Variants in ZC3H12C observed in about 807,000 individuals in gnomAD.
ZC3H12C encodes the protein zinc finger CCCH-type containing 12C, also known as probable ribonuclease ZC3H12C.
In ZC3H12C, 20 loss-of-function variants were observed where a neutral mutation model predicts 76.3. The observed-to-expected ratio is 0.26, with a 90% CI of 0.18 to 0.38. The LOEUF (loss-of-function observed/expected upper bound fraction) is 0.38. Ranked by LOEUF, ZC3H12C falls within the 10% of genes least tolerant of loss-of-function variation. The pLI, the probability that ZC3H12C is intolerant of heterozygous loss-of-function variation, is 1.00. For missense variants in ZC3H12C, 874 were observed against 1,086.5 expected (o/e 0.80, Z 2.75); for synonymous variants, 352 against 399.6 (o/e 0.88, Z 1.42).
intron 3 of ZC3H12C, among the ~76,000 whole-genome samples, chr11:110,155,070 T>A (rs1490906992): frequency 1.3e-5 from 2 of 152,040 alleles, no homozygotes; most frequent in East Asian, 3.9e-4. Context: ...GATGGATCAC[T>A]TGAGGTCAGG....
chr11:110,102,003 G>T (rs1023064259), intron 1 of ZC3H12C, among the ~76,000 whole-genome samples: 1 of 151,690 alleles, frequency 6.6e-6, no homozygotes, highest in Non-Finnish European at 1.5e-5. Flanking sequence ...TTCAAAATAT[G>T]TAATATTACT....
chr11:110,165,058 A>G lies in ZC3H12C; in HGVS notation c.1973A>G (p.Glu658Gly). The change falls in exon 6 of 6, where the codon GAG (glutamate) becomes GGG (glycine). Residue 658 changes from glutamate to glycine, a missense_variant. By Grantham distance (98) the Glu-to-Gly change is moderately conservative. Coordinates refer to ENST00000278590, the MANE Select transcript of ZC3H12C (RefSeq NM_033390.2). ...AGCTCCCCCGACCCACAGCTAGAGG[A>G]GAATTTGAAGTGTCAACACATGCAC... Reference protein sequence around the residue: ...YVSSPDPQLEENLKCQHMHPH... With the variant: ...YVSSPDPQLEGNLKCQHMHPH... The G allele has an allele frequency of 6.2e-7, 1 of 1,613,844 alleles. No homozygotes were observed. The highest frequency in any genetic ancestry group is 8.5e-7 in the Non-Finnish European group (1 of 1,179,904).
chr11:110,146,861 C>T lies in ZC3H12C; in HGVS notation c.774-6058C>T, dbSNP rs529017585. The stretch of plus-strand genomic sequence containing the variant: ...GCCTGAATTCCCAGTAGCAAGGCTG[C>T]CATAAAAGTAGAGAAGAATAAGGGT... On this transcript the variant is annotated intron_variant, in intron 2 of 5. Transcript: ENST00000278590. 4.6e-5 allele frequency among the ~76,000 whole-genome samples: 7 copies of T among 152,300 alleles called. No homozygotes were observed. In the South Asian group the frequency reaches 1.4e-3, roughly 32 times the overall value.
chr11:110,104,905 T>C (rs1429122948), intron 1 of ZC3H12C, among the ~76,000 whole-genome samples: 1 of 152,248 alleles, frequency 6.6e-6, no homozygotes, highest in Non-Finnish European at 1.5e-5. Context: ...TCTGAGTAAT[T>C]GAAATAATCA....
intron 4 of ZC3H12C, among the ~76,000 whole-genome samples, chr11:110,163,037 C>T (rs1367781381): frequency 6.6e-6 from 1 of 152,198 alleles, no homozygotes; most frequent in African/African-American, 2.4e-5. Context: ...ATGCTCAACT[C>T]AAAACTTACT....
At chr11:110,125,056 C>A (rs1488241228) in intron 1 of ZC3H12C, among the ~76,000 whole-genome samples, 2 of 151,984 alleles carry the variant, frequency 1.3e-5, no homozygotes, top group African/African-American at 4.8e-5. Flanking sequence ...GAGAAATAGA[C>A]AAAGGTGTCT....
At chr11:110,141,936 CATT>C (rs1862074070) in intron 2 of ZC3H12C, among the ~76,000 whole-genome samples, 1 of 152,140 alleles carries the variant, frequency 6.6e-6, no homozygotes. Flanking sequence ...ATGTGACTCA[CATT>C]ATATTTCTAT....
Position 110,165,842 on chromosome 11 carries a change from A to T in ZC3H12C, c.*105A>T. On this transcript the variant is annotated 3_prime_UTR_variant, in exon 6 of 6. Coordinates refer to ENST00000278590, the MANE Select transcript of ZC3H12C (RefSeq NM_033390.2). ...TGATCTCCTTCTCAGCAAGGAGGTT[A>T]TATAGTATCCATTTATGTGAAATAC... 9.4e-7 allele frequency: 1 copy of T among 1,067,366 alleles called. No homozygotes were observed. The highest frequency in any genetic ancestry group is 1.3e-6 in the Non-Finnish European group (1 of 755,174). The allele number at this position is 1,067,366 out of a possible 1,614,324, so 66.1% of individuals were successfully genotyped here. A position where few individuals can be genotyped will look rare whatever the true frequency, so the allele number is the denominator to read the frequency against.
chr11:110,115,549 C>T (rs907063800), intron 1 of ZC3H12C, among the ~76,000 whole-genome samples: 6 of 151,918 alleles, frequency 3.9e-5, no homozygotes, highest in Admixed American at 1.3e-4. Flanking sequence ...GTGATGCACA[C>T]GTCTTGGCCT....
chr11:110,103,308 T>C (rs1861253559), intron 1 of ZC3H12C, among the ~76,000 whole-genome samples: 1 of 152,228 alleles, frequency 6.6e-6, no homozygotes, highest in African/African-American at 2.4e-5. Context: ...TCCAAAAAGG[T>C]AGTCTTTAAA....
chr11:110,144,889 T>G (rs1862135055), intron 2 of ZC3H12C, among the ~76,000 whole-genome samples: 1 of 152,178 alleles, frequency 6.6e-6, no homozygotes, highest in Non-Finnish European at 1.5e-5. Flanking sequence ...CATTGGAAGG[T>G]AACAGTTATA....
chr11:110,099,231 G>T (rs896674487), intron 1 of ZC3H12C, among the ~76,000 whole-genome samples: 2 of 152,056 alleles, frequency 1.3e-5, no homozygotes, highest in Admixed American at 6.5e-5. Context: ...TGTGTTCTTA[G>T]GATGGAGTCC....
Position 110,129,006 on chromosome 11 carries a change from G to T in ZC3H12C, c.22-7657G>T, listed in dbSNP as rs1184600075. ...TAATTTACATTGTAATTTGCAATAA[G>T]CGAGAATACTAGAGATGCTTTATCT... On this transcript the variant is annotated intron_variant, in intron 1 of 5. Coordinates refer to ENST00000278590, the MANE Select transcript of ZC3H12C (RefSeq NM_033390.2). Among the ~76,000 whole-genome samples the T allele has an allele frequency of 2.0e-5, 3 of 151,780 alleles. No individual in the cohort carries two copies. In the East Asian group the frequency reaches 5.8e-4, roughly 29 times the overall value.
intron 1 of ZC3H12C, 99 bp downstream of exon 1, chr11:110,093,531 A>T (rs7116683): frequency 1.1e-6 from 1 of 937,684 alleles, no homozygotes; most frequent in African/African-American, 1.8e-5. Context: ...CCCGGGCGCC[A>T]GGCGGAGGGC....
In ZC3H12C at chr11:110,167,685, T is replaced by C. The variant is rs377030497; in HGVS notation, c.*1948T>C. The C allele has an allele frequency of 6.6e-6, 1 of 152,212 alleles. No individual in the cohort carries two copies. Among genetic ancestry groups the C allele is most frequent in the African/African-American group, 2.4e-5 (1 of 41,458 alleles). The allele number at this position is 152,212 out of a possible 1,614,324, so 9.4% of individuals were successfully genotyped here. The stretch of plus-strand genomic sequence containing the variant: ...ATGCTTCTAAAAGGCATTGTGCATA[T>C]TGACATAACCAATAATCTGAACCGT... On this transcript the variant is annotated 3_prime_UTR_variant, in exon 6 of 6. Transcript: ENST00000278590.
At position 110,165,569 on chromosome 11, in the gene ZC3H12C, G is replaced by A. The variant is rs377745861; in HGVS notation, c.2484G>A (p.Pro828=). ...GGCGGATCCCATACTGTGGAATGCCGCAAGATCCCCCGAGGTATCAAGACA... is the reference window on the plus strand; with the variant it reads ...GGCGGATCCCATACTGTGGAATGCCACAAGATCCCCCGAGGTATCAAGACA... ...PAWRIPYCGM[P]QDPPRYQDNR... The change falls in exon 6 of 6, where the codon CCG becomes CCA. Residue 828 remains proline (P), a synonymous_variant. Transcript: ENST00000278590. 2.5e-6 allele frequency: 4 copies of A among 1,612,232 alleles called. No individual in the cohort carries two copies. The highest frequency in any genetic ancestry group is 2.2e-5 in the East Asian group (1 of 44,834).
In ZC3H12C at chr11:110,165,128, C is replaced by G. The variant is rs376308496; in HGVS notation, c.2043C>G (p.His681Gln). 1.9e-6 allele frequency: 3 copies of G among 1,613,672 alleles called. No individual in the cohort carries two copies. In the African/African-American group the frequency reaches 4.0e-5, roughly 22 times the overall value. ...CTCAACCGTTCCTGCAGAATTTCCA[C>G]GACCCCTTAACCAGAGGGCAAAGTT... ...LNPQPFLQNF[H>Q]DPLTRGQSYS... Residue 681 changes from histidine to glutamine, a missense_variant, in exon 6 of 6, where the codon CAC becomes CAG. His to Gln is a conservative substitution (Grantham distance 24). This residue lies in a region of ZC3H12C where 395 missense variants were observed against 434.4 expected (regional missense o/e 0.91). Coordinates refer to ENST00000278590, the MANE Select transcript of ZC3H12C (RefSeq NM_033390.2).
At position 110,163,446 on chromosome 11, in the gene ZC3H12C, C is replaced by T. The variant is rs1033224039; in HGVS notation, c.1255+67C>T. On this transcript the variant is annotated intron_variant, in intron 5 of 5. Coordinates refer to ENST00000278590, the MANE Select transcript of ZC3H12C (RefSeq NM_033390.2). ...CAATATATTATTAAACTTTTGTTAA[C>T]AAAAATGAACACTTAAAATTTTGGA... 6.2e-6 allele frequency: 8 copies of T among 1,288,600 alleles called. No homozygotes were observed. The African/African-American group carries it at 1.2e-4, about 20-fold the overall frequency. The allele number at this position is 1,288,600 out of a possible 1,614,324, so 79.8% of individuals were successfully genotyped here.
At position 110,165,805 on chromosome 11, in the gene ZC3H12C, C is replaced by T; in HGVS notation, c.*68C>T. On this transcript the variant is annotated 3_prime_UTR_variant, in exon 6 of 6. Transcript: ENST00000278590. ...CTCAAATGCTGAGGGAGGTTTGCTA[C>T]AATAGCACATGTGATCTCCTTCTCA... The T allele has an allele frequency of 7.2e-7, 1 of 1,396,432 alleles. No homozygotes were observed. 86.5% of individuals were successfully genotyped at this position (1,396,432 alleles called of 1,614,324 possible).
Sources: gnomAD v4.1 joint callset for allele counts (sites outside exome capture counted in the v4.1 genomes callset) on GRCh38, gnomAD v4.1.1 for gene constraint, gnomAD v4.1.1 regional missense constraint, MANE v1.5 for transcripts, NCBI Gene and HGNC (gene_info 2026-07-23, HGNC 2026-07-21) for gene names.